SF3B3: variants seen among roughly 807,000 people sequenced by gnomAD.
SF3B3 encodes SAP 130.
In SF3B3, 33 loss-of-function variants were observed where a neutral mutation model predicts 139.2. The observed-to-expected ratio is 0.24, with a 90% CI of 0.18 to 0.32. The LOEUF (loss-of-function observed/expected upper bound fraction) is 0.32. Among genes scored for constraint, SF3B3 ranks in the 10% least tolerant of loss-of-function variants. The probability of loss-of-function intolerance (pLI) is 1.00; values close to 1 mark genes in which losing one functional copy is unlikely to be tolerated. For missense variants in SF3B3, 818 were observed against 1,509.4 expected (o/e 0.54, Z 7.59); for synonymous variants, 596 against 563.6 (o/e 1.06, Z -0.81).
At chr16:70,537,428 C>A (rs1359354189) in intron 6 of SF3B3, among the ~76,000 whole-genome samples, 2 of 152,114 alleles carry the variant, frequency 1.3e-5, no homozygotes, top group Admixed American at 6.5e-5. Context: ...TCTTCCCCGG[C>A]GTCTTTTCAC....
At position 70,532,366 on chromosome 16, in the gene SF3B3, A is replaced by G. The variant is rs1029015386; in HGVS notation, c.571-113A>G. The G allele has an allele frequency of 1.0e-4, 84 of 836,538 alleles. 2 individuals are homozygous for G. The highest frequency in any genetic ancestry group is 1.4e-4 in the Non-Finnish European group (77 of 546,854). 51.8% of individuals were successfully genotyped at this position (836,538 alleles called of 1,614,324 possible). A position where few individuals can be genotyped will look rare whatever the true frequency, so the allele number is the denominator to read the frequency against. ...TGAGAACCTGTCTCTCCAAAAAAAA[A>G]AGAAGACATTTGTGGACTTCTGTTT... On this transcript the variant is annotated intron_variant, in intron 4 of 25. Coordinates refer to ENST00000302516, the MANE Select transcript of SF3B3 (RefSeq NM_012426.5).
Position 70,532,470 on chromosome 16 carries a change from T to G in SF3B3, c.571-9T>G, listed in dbSNP as rs1252655193. On this transcript the variant is annotated splice_polypyrimidine_tract_variant and intron_variant, in intron 4 of 25. Coordinates refer to ENST00000302516, the MANE Select transcript of SF3B3 (RefSeq NM_012426.5). ...TGATGATTAGTTTTTATGCCACTAT[T>G]CTCTGTAGGAAGCAGACAATGATCC... The G allele has an allele frequency of 1.2e-6, 2 of 1,613,760 alleles. No individual in the cohort carries two copies. Among genetic ancestry groups the G allele is most frequent in the African/African-American group, 2.7e-5 (2 of 75,012 alleles).
At chr16:70,561,907 TTG>T in intron 17 of SF3B3, 123 bp downstream of exon 17, 1 of 785,452 alleles carries the variant, frequency 1.3e-6, no homozygotes, top group South Asian at 1.9e-5. Flanking sequence ...ACCATGAAGC[TTG>T]TGTGTTGCAA....
intron 11 of SF3B3, among the ~76,000 whole-genome samples, chr16:70,553,725 T>G (rs1366626874): frequency 6.6e-6 from 1 of 152,230 alleles, no homozygotes; most frequent in Non-Finnish European, 1.5e-5. Context: ...CCTCAAGTCC[T>G]CTGACTTCCT....
At chr16:70,558,672 C>A (rs1243862748) in intron 15 of SF3B3, among the ~76,000 whole-genome samples, 1 of 152,178 alleles carries the variant, frequency 6.6e-6, no homozygotes, top group African/African-American at 2.4e-5. Flanking sequence ...TCTCAGCTCA[C>A]TGCAGCCTCT....
chr16:70,563,623 G>A (rs773280120), intron 17 of SF3B3: 3 of 390,156 alleles, frequency 7.7e-6, no homozygotes, highest in Non-Finnish European at 1.4e-5. Flanking sequence ...TTTGACAATC[G>A]TTTGTGTTTC....
Position 70,559,099 on chromosome 16 carries a change from TTGTC to T in SF3B3, c.2011-1366_2011-1363del, listed in dbSNP as rs367770887. 2.8e-3 allele frequency among the ~76,000 whole-genome samples: 426 copies of T among 152,320 alleles called. 3 individuals are homozygous for T. The highest frequency in any genetic ancestry group is 0.017 in the Middle Eastern group (5 of 294). On this transcript the variant is annotated intron_variant, in intron 15 of 25. Transcript: ENST00000302516. ...CCCACTCACAGTGATGTTGGGATGT[TTGTC>T]TGTATCTGTGTTAAAGTTCCCGTCA...
chr16:70,538,133 T>G, intron 6 of SF3B3, 190 bp from the exon 7 acceptor site: 1 of 725,650 alleles, frequency 1.4e-6, no homozygotes. Flanking sequence ...GTTACCCAGA[T>G]TTTATTAGAT....
At chr16:70,524,144 A>C in intron 1 of SF3B3, 9 of 326,990 alleles carry the variant, frequency 2.8e-5, no homozygotes, top group Admixed American at 4.9e-5. Context: ...CTATCTCAAA[A>C]TAGGGCTCGT....
chr16:70,548,179 C>G (rs1597715581), intron 10 of SF3B3, among the ~76,000 whole-genome samples, 191 bp from the exon 11 acceptor site: 1 of 152,208 alleles, frequency 6.6e-6, no homozygotes. Context: ...TTGCTTAAGA[C>G]TGTCATGGGG....
rs150661139 is a variant in SF3B3, at chr16:70,555,168, C to T, written c.1672C>T (p.Leu558=). ...AVNQRQVVIA[L]TGGELVYFEM... ...GAACCAGCGACAAGTGGTGATTGCCCTGACAGGAGGAGAGCTGGTCTATTT... is the reference window on the plus strand; with the variant it reads ...GAACCAGCGACAAGTGGTGATTGCCTTGACAGGAGGAGAGCTGGTCTATTT... The change falls in exon 13 of 26, where the codon CTG becomes TTG. Residue 558 remains leucine (L), a synonymous_variant. Transcript: ENST00000302516. 5 of 1,613,920 alleles carry T rather than the reference C, an allele frequency of 3.1e-6. No individual in the cohort carries two copies. Among genetic ancestry groups the T allele is most frequent in the Admixed American group, 3.3e-5 (2 of 59,990 alleles).
intron 4 of SF3B3, 111 bp from the exon 5 acceptor site, chr16:70,532,365 AAAG>A (rs976166460): frequency 6.6e-5 from 55 of 832,730 alleles, no homozygotes; most frequent in Non-Finnish European, 9.2e-5. Flanking sequence ...TCCAAAAAAA[AAAG>A]AAGACATTTG....
intron 22 of SF3B3, 83 bp from the exon 23 acceptor site, chr16:70,568,960 A>C (rs1298655723): frequency 1.0e-6 from 1 of 966,216 alleles, no homozygotes; most frequent in Non-Finnish European, 1.6e-6. Context: ...CTGACTTGCA[A>C]AGACCTGGCC....
At chr16:70,537,831 TGA>T (rs1179830986) in intron 6 of SF3B3, among the ~76,000 whole-genome samples, 1 of 152,098 alleles carries the variant, frequency 6.6e-6, no homozygotes, top group African/African-American at 2.4e-5. Flanking sequence ...CCCAGCTACT[TGA>T]GAGGCTGAGG....
In SF3B3 at chr16:70,570,077, A is replaced by T. The variant is rs756853361; in HGVS notation, c.3336A>T (p.Gly1112=). 11 of 1,614,004 alleles carry T rather than the reference A, an allele frequency of 6.8e-6. No individual in the cohort carries two copies. The highest frequency in any genetic ancestry group is 8.5e-6 in the Non-Finnish European group (10 of 1,179,978). Residue 1112 remains glycine, a synonymous_variant, in exon 24 of 26, where the codon GGA becomes GGT. Coordinates refer to ENST00000302516, the MANE Select transcript of SF3B3 (RefSeq NM_012426.5). ...LSLQKTTLIP[G]GSESLVYTTL... is the part of the protein sequence containing the mutation. Reference sequence around the variant, plus strand: ...TGCAGAAGACCACGCTGATCCCTGGAGGCTCAGAATCACTTGTCTATACCA... The same window carrying T: ...TGCAGAAGACCACGCTGATCCCTGGTGGCTCAGAATCACTTGTCTATACCA...
chr16:70,534,481 G>C (rs986612469), intron 5 of SF3B3, among the ~76,000 whole-genome samples: 1 of 152,092 alleles, frequency 6.6e-6, no homozygotes, highest in Non-Finnish European at 1.5e-5. Context: ...AGAGATACTG[G>C]TAGCTGCTAA....
rs983308325 is a variant in SF3B3 at position 70,529,460 on chromosome 16, A to G, written c.397+261A>G. On this transcript the variant is annotated intron_variant, in intron 3 of 25. Coordinates refer to ENST00000302516, the MANE Select transcript of SF3B3 (RefSeq NM_012426.5). Reference sequence around the variant, plus strand: ...TTTCTTTTTCTTTGGCAAAAAGACTACAATGAAATGATCTTATGTTATTAG... The same window carrying G: ...TTTCTTTTTCTTTGGCAAAAAGACTGCAATGAAATGATCTTATGTTATTAG... 1.2e-5 allele frequency: 6 copies of G among 500,898 alleles called. No homozygotes were observed. In the East Asian group the frequency reaches 2.1e-4, roughly 18 times the overall value. The allele number at this position is 500,898 out of a possible 1,614,324, so 31.0% of individuals were successfully genotyped here. A position where few individuals can be genotyped will look rare whatever the true frequency, so the allele number is the denominator to read the frequency against.
chr16:70,565,391 A>C lies in SF3B3; in HGVS notation c.2693A>C (p.Asn898Thr), dbSNP rs748997656. Residue 898 changes from asparagine to threonine, a missense_variant, in exon 20 of 26, where the codon AAC (asparagine) becomes ACC (threonine). Physicochemically the swap from Asn to Thr is moderately conservative, Grantham distance 65. Transcript: ENST00000302516. Reference sequence around the variant, plus strand: ...AGTGTGGCTGTGTGCAGGTTTTCCAACACTGGTGAAGACTGGTATGTGCTG... The same window carrying C: ...AGTGTGGCTGTGTGCAGGTTTTCCACCACTGGTGAAGACTGGTATGTGCTG... ...AFSVAVCRFSNTGEDWYVLVG... is the reference protein window; with the variant it reads ...AFSVAVCRFSTTGEDWYVLVG... 8 of 1,614,058 alleles carry C rather than the reference A, an allele frequency of 5.0e-6. No individual in the cohort carries two copies. The South Asian group carries it at 7.7e-5, about 16-fold the overall frequency.
chr16:70,554,053 T>A (rs917866493), intron 11 of SF3B3: 1 of 158,290 alleles, frequency 6.3e-6, no homozygotes, highest in African/African-American at 2.4e-5. Context: ...TAGGGGTCTT[T>A]CCTAGTTAGA....
Sources: gnomAD v4.1 joint callset for allele counts (sites outside exome capture counted in the v4.1 genomes callset) on GRCh38, gnomAD v4.1.1 for gene constraint, MANE v1.5 for transcripts, NCBI Gene and HGNC (gene_info 2026-07-23, HGNC 2026-07-21) for gene names.